The following AMZ1 variants were observed in gnomAD, a reference collection of about 807,000 sequenced individuals.
The protein encoded by AMZ1 is archaelysin family metallopeptidase 1.
A neutral mutation model predicts 29.9 loss-of-function variants in AMZ1; 39 were observed. The observed-to-expected ratio is 1.30, with a 90% CI of 1.01 to 1.70. The LOEUF (loss-of-function observed/expected upper bound fraction) is 1.70, where lower values mean the gene tolerates loss of function less well. Ranked by LOEUF, AMZ1 falls within the 40% of genes most tolerant of loss-of-function variation. The pLI is 0.00. For missense variants in AMZ1, 1,041 were observed against 680.6 expected, an observed-to-expected ratio of 1.53 and a Z score of -5.89; for synonymous variants, 458 against 304.0, an observed-to-expected ratio of 1.51 and a Z score of -5.27.
intron 4 of AMZ1, among the ~76,000 whole-genome samples, chr7:2,748,742 A>C (rs531916361): frequency 0.026 from 3,950 of 152,288 alleles, 127 homozygotes; most frequent in Middle Eastern, 0.075. Flanking sequence ...AATGGGAGAA[A>C]ATTTTTGCAA....
chr7:2,691,579 A>G (rs1298265805), intron 1 of AMZ1, among the ~76,000 whole-genome samples: 1 of 147,734 alleles, frequency 6.8e-6, no homozygotes, highest in Non-Finnish European at 1.5e-5. Context: ...CGTTTCTACT[A>G]AAAATACAAA....
intron 4 of AMZ1, among the ~76,000 whole-genome samples, chr7:2,751,005 T>C (rs1334775090): frequency 6.6e-6 from 1 of 152,128 alleles, no homozygotes; most frequent in African/African-American, 2.4e-5. Context: ...AGAAAGTATT[T>C]TGAACTTCAA....
chr7:2,739,051 G>GT (rs749603203), intron 4 of AMZ1, among the ~76,000 whole-genome samples: 3 of 152,224 alleles, frequency 2.0e-5, no homozygotes, highest in South Asian at 2.1e-4. Flanking sequence ...CTCTACAACT[G>GT]TAAGCTCAGG....
chr7:2,722,086 G>C (rs1209092425), downstream of AMZ1, among the ~76,000 whole-genome samples: 3 of 152,110 alleles, frequency 2.0e-5, no homozygotes, highest in African/African-American at 7.2e-5. Flanking sequence ...AAGCCAGAAG[G>C]CCGTCCAACT....
At chr7:2,744,341 C>T (rs998083853) in intron 4 of AMZ1, among the ~76,000 whole-genome samples, 1 of 152,184 alleles carries the variant, frequency 6.6e-6, no homozygotes, top group Admixed American at 6.5e-5. Flanking sequence ...AACGATCAGG[C>T]AGCAGCATTT....
chr7:2,707,289 CA>C (rs763870340), intron 3 of AMZ1, among the ~76,000 whole-genome samples: 2 of 145,948 alleles, frequency 1.4e-5, no homozygotes, highest in South Asian at 2.2e-4. Context: ...AAAAAAAAAA[CA>C]AAAAAACACA....
downstream of AMZ1, among the ~76,000 whole-genome samples, chr7:2,722,047 A>T (rs1302644948): frequency 2.0e-5 from 3 of 152,094 alleles, no homozygotes; most frequent in Non-Finnish European, 4.4e-5. Flanking sequence ...TCCTTTCTGT[A>T]TTTAAGGTCC....
In AMZ1 at chr7:2,731,253, G is replaced by T. The variant is rs372644647; in HGVS notation, n.550+21437G>T. 2.5e-6 allele frequency: 4 copies of T among 1,613,754 alleles called. No homozygotes were observed. The highest frequency in any genetic ancestry group is 3.4e-6 in the Non-Finnish European group (4 of 1,179,968). ...TCACAGCATGGAACACGAAGCGGAC[G>T]TTCTCGGTGTCGATGGCGGTGGTGA... is the stretch of plus-strand genomic sequence containing the variant. On this transcript the variant is annotated intron_variant and non_coding_transcript_variant, in intron 4 of 4. Coordinates refer to the AMZ1 transcript ENST00000489665. The surrounding 1 kb of genome is among the most constrained non-coding windows in gnomAD (Gnocchi z 6.0).
chr7:2,685,163 C>T (rs60309995), upstream of AMZ1, among the ~76,000 whole-genome samples: 3,520 of 151,940 alleles, frequency 0.023, 133 homozygotes, highest in African/African-American at 0.076. Flanking sequence ...CCGCCGCGCC[C>T]GGCCTCGATG....
chr7:2,700,124 C>A (rs148701578), intron 1 of AMZ1, 110 bp from the exon 2 acceptor site: 3,757 of 357,892 alleles, frequency 0.01, 25 homozygotes, highest in Middle Eastern at 0.024. Context: ...ACACCCTCGT[C>A]CTCTGCAGAG....
intron 4 of AMZ1, among the ~76,000 whole-genome samples, chr7:2,747,343 C>T (rs1258555604): frequency 6.6e-6 from 1 of 152,138 alleles, no homozygotes. Flanking sequence ...GGGCTTCATC[C>T]CTGGGATGCA....
chr7:2,691,014 G>T (rs577284079), intron 1 of AMZ1, among the ~76,000 whole-genome samples: 1 of 150,408 alleles, frequency 6.6e-6, no homozygotes, highest in African/African-American at 2.4e-5. Flanking sequence ...GGTGGCATGC[G>T]TCTGTAGTCC....
rs149445937 is a variant in AMZ1 at position 2,756,664 on chromosome 7, G to A, written n.551-8048G>A. Among the ~76,000 whole-genome samples, 21 of 152,330 alleles carry A rather than the reference G, an allele frequency of 1.4e-4. No individual in the cohort carries two copies. In the East Asian group the frequency reaches 3.5e-3, roughly 25 times the overall value. ...GAGGATCTGTGTGATCTTGGGTTAGGAAAAGATTTCTGTGCTGTCAGAATT... is the reference window on the plus strand; with the variant it reads ...GAGGATCTGTGTGATCTTGGGTTAGAAAAAGATTTCTGTGCTGTCAGAATT... On this transcript the variant is annotated intron_variant and non_coding_transcript_variant, in intron 4 of 4. Coordinates refer to the AMZ1 transcript ENST00000489665.
intron 6 of AMZ1, among the ~76,000 whole-genome samples, chr7:2,711,296 T>G (rs1021047505): frequency 6.6e-6 from 1 of 152,176 alleles, no homozygotes; most frequent in Non-Finnish European, 1.5e-5. Context: ...ACCAAGGGCC[T>G]GGCCAGAAAA....
intron 4 of AMZ1, among the ~76,000 whole-genome samples, chr7:2,732,794 T>C (rs1341269150): frequency 6.6e-6 from 1 of 152,072 alleles, no homozygotes; most frequent in Non-Finnish European, 1.5e-5. Context: ...GTTACTCCAA[T>C]AAACAAGTTG....
At chr7:2,761,422 T>C (rs1485076279), upstream of AMZ1, among the ~76,000 whole-genome samples, 1 of 152,228 alleles carries the variant, frequency 6.6e-6, no homozygotes, top group Non-Finnish European at 1.5e-5. Flanking sequence ...GACGGCTGAC[T>C]TCATGGCAGA....
chr7:2,736,269 G>C (rs59828898), intron 4 of AMZ1, among the ~76,000 whole-genome samples: 3,933 of 152,240 alleles, frequency 0.026, 126 homozygotes, highest in Middle Eastern at 0.075. Flanking sequence ...CGGCTGCTGC[G>C]GTCACACGAT....
At chr7:2,759,157 A>AAATC (rs1439840562) in intron 4 of AMZ1, among the ~76,000 whole-genome samples, 34 of 145,836 alleles carry the variant, frequency 2.3e-4, no homozygotes, top group African/African-American at 2.9e-4. Context: ...ATAAATAAAT[A>AAATC]AATAAATAAA....
At position 2,700,765 on chromosome 7, in the gene AMZ1, G is replaced by T. The variant is rs371648045; in HGVS notation, c.304+10G>T. On this transcript the variant is annotated intron_variant, in intron 2 of 6. Transcript: ENST00000683327. ...TACCTACAGCCGATAGGTACGGGAC[G>T]CCTGCAGCCATCGGCACGCTCCTGG... 6.8e-6 allele frequency: 11 copies of T among 1,608,388 alleles called. No individual in the cohort carries two copies. The South Asian group carries it at 1.2e-4, about 18-fold the overall frequency.
Sources: allele counts gnomAD v4.1 joint callset (sites outside exome capture counted in the v4.1 genomes callset), GRCh38; gene constraint gnomAD v4.1.1; non-coding constraint Gnocchi (gnomAD v3.1); transcripts MANE v1.5; gene names NCBI Gene and HGNC (gene_info 2026-07-23, HGNC 2026-07-21).